The following N4BP1 variants were observed in gnomAD, a reference collection of about 807,000 sequenced individuals.
N4BP1 encodes NEDD4 binding protein 1.
N4BP1 carries 21 observed loss-of-function variants against 70.9 expected under a neutral mutation model. That is an observed-to-expected ratio of 0.30 (90% confidence interval 0.21 to 0.43). N4BP1 has a LOEUF of 0.43. N4BP1 is among the 20% of genes least tolerant of loss of function. N4BP1 has a pLI of 1.00. For synonymous variants in N4BP1, 387 were observed against 394.6 expected, an observed-to-expected ratio of 0.98 and a Z score of 0.23; for missense variants, 936 against 1,069.4, an observed-to-expected ratio of 0.88 and a Z score of 1.74.
chr16:48,595,456 CAAAAAAAAAAA>C (rs373163833), intron 1 of N4BP1, among the ~76,000 whole-genome samples: 2 of 57,454 alleles, frequency 3.5e-5, no homozygotes, highest in Non-Finnish European at 3.3e-5. Flanking sequence ...GACTCTGTCT[CAAAAAAAAAAA>C]AAAAAAAAAA....
chr16:48,577,315 GTTTTT>G (rs144319249), intron 1 of N4BP1, among the ~76,000 whole-genome samples: 1 of 151,158 alleles, frequency 6.6e-6, no homozygotes, highest in Non-Finnish European at 1.5e-5. Context: ...CCCAGTTTTT[GTTTTT>G]TTTGTGTTTT....
chr16:48,545,510 G>A (rs988751688), intron 6 of N4BP1, among the ~76,000 whole-genome samples: 11 of 149,388 alleles, frequency 7.4e-5, no homozygotes, highest in Non-Finnish European at 1.3e-4. Context: ...CCTGGGAGGC[G>A]GAGGTTGCAG....
chr16:48,562,918 A>G (rs986752470), intron 1 of N4BP1, among the ~76,000 whole-genome samples: 1 of 152,186 alleles, frequency 6.6e-6, no homozygotes, highest in African/African-American at 2.4e-5. Flanking sequence ...ATAAAAGAAT[A>G]ACATTAATTT....
chr16:48,600,235 A>G, intron 1 of N4BP1: 1 of 832,214 alleles, frequency 1.2e-6, no homozygotes, highest in East Asian at 2.5e-5. Context: ...ATCCGCAACG[A>G]CTGAAAGGTG....
chr16:48,564,024 T>C (rs757504531), intron 1 of N4BP1, among the ~76,000 whole-genome samples: 25 of 152,232 alleles, frequency 1.6e-4, no homozygotes, highest in Non-Finnish European at 2.9e-4. Flanking sequence ...ATTTTGTATC[T>C]ATTAACAAAT....
chr16:48,572,105 G>T (rs1964027691), intron 1 of N4BP1, among the ~76,000 whole-genome samples: 2 of 152,234 alleles, frequency 1.3e-5, no homozygotes, highest in South Asian at 4.1e-4. Flanking sequence ...AGACTGAGGT[G>T]AGTGGGTCAC....
chr16:48,604,729 T>C (rs1466639497), intron 1 of N4BP1, among the ~76,000 whole-genome samples: 3 of 152,208 alleles, frequency 2.0e-5, no homozygotes, highest in Non-Finnish European at 2.9e-5. Context: ...ATTTTATTCA[T>C]ATAATTCGAT....
At chr16:48,544,528 C>T (rs2151084323) in intron 6 of N4BP1, among the ~76,000 whole-genome samples, 1 of 152,272 alleles carries the variant, frequency 6.6e-6, no homozygotes, top group South Asian at 2.1e-4. Context: ...AAAGAGTAAA[C>T]ATCAGTCATG....
At chr16:48,604,181 C>T (rs900703390) in intron 1 of N4BP1, among the ~76,000 whole-genome samples, 5 of 152,188 alleles carry the variant, frequency 3.3e-5, no homozygotes, top group Non-Finnish European at 5.9e-5. Context: ...GGAGCTCTTG[C>T]GCTCCCTCTG....
Position 48,551,502 on chromosome 16 carries a change from A to C in N4BP1, c.2021-20T>G. ...GCTGTTCTGTTCATGGAATAAGTTG[A>C]ATATACATTCAGAAAAGGGCTATCT... On this transcript the variant is annotated intron_variant, in intron 3 of 6. Coordinates refer to ENST00000262384, the MANE Select transcript of N4BP1 (RefSeq NM_153029.4). 6.5e-7 allele frequency: 1 copy of C among 1,549,296 alleles called. No individual in the cohort carries two copies. The highest frequency in any genetic ancestry group is 1.4e-5 in the African/African-American group (1 of 73,336).
intron 1 of N4BP1, among the ~76,000 whole-genome samples, chr16:48,591,745 G>C (rs1173518527): frequency 6.8e-6 from 1 of 147,176 alleles, no homozygotes; most frequent in Admixed American, 6.8e-5. Context: ...GCCCACATGA[G>C]AGAACTTAAG....
intron 1 of N4BP1, among the ~76,000 whole-genome samples, chr16:48,570,354 T>C (rs1963998610): frequency 1.3e-5 from 2 of 152,186 alleles, no homozygotes; most frequent in Admixed American, 1.3e-4. Flanking sequence ...TACTTTTTCT[T>C]TTCTTTTTTG....
At chr16:48,573,935 C>T (rs1279966849) in intron 1 of N4BP1, among the ~76,000 whole-genome samples, 1 of 152,132 alleles carries the variant, frequency 6.6e-6, no homozygotes, top group East Asian at 1.9e-4. Context: ...TCATCCTTAC[C>T]TTCACTTTGA....
rs752687078 is a variant in N4BP1 at position 48,546,183 on chromosome 16, C to T, written c.2297G>A (p.Arg766Gln). 5.8e-5 allele frequency: 93 copies of T among 1,612,988 alleles called. No homozygotes were observed. Among genetic ancestry groups the T allele is most frequent in the Non-Finnish European group, 7.4e-5 (87 of 1,179,430 alleles). The change falls in exon 6 of 7, where the codon CGA (arginine) becomes CAA (glutamine). Residue 766 changes from arginine (R) to glutamine (Q), a missense_variant. Coordinates refer to ENST00000262384, the MANE Select transcript of N4BP1 (RefSeq NM_153029.4). Reference sequence around the variant, plus strand: ...TTCCTTCTGAAGAAACTCCTCTAATCGAGGTCCACTTCTTCCCAGAGGATC... The same window carrying T: ...TTCCTTCTGAAGAAACTCCTCTAATTGAGGTCCACTTCTTCCCAGAGGATC... ...PDDPLGRSGP[R>Q]LEEFLQKEVC...
chr16:48,558,716 G>GT (rs1242006225), intron 2 of N4BP1, among the ~76,000 whole-genome samples: 1 of 152,024 alleles, frequency 6.6e-6, no homozygotes, highest in Non-Finnish European at 1.5e-5. Context: ...TCAAGAAATC[G>GT]TAACAATGAA....
intron 6 of N4BP1, among the ~76,000 whole-genome samples, chr16:48,545,206 CTACCTGCCTCG>C (rs1230968665): frequency 6.6e-6 from 1 of 151,764 alleles, no homozygotes; most frequent in Non-Finnish European, 1.5e-5. Context: ...CTCAAGTTAT[CTACCTGCCTCG>C]GCCTCACAAA....
At chr16:48,576,854 A>G (rs1355674272) in intron 1 of N4BP1, among the ~76,000 whole-genome samples, 1 of 152,136 alleles carries the variant, frequency 6.6e-6, no homozygotes, top group Non-Finnish European at 1.5e-5. Context: ...GCTTCCTTCA[A>G]ATCCACTGCT....
At chr16:48,569,350 G>T (rs1963984547) in intron 1 of N4BP1, among the ~76,000 whole-genome samples, 1 of 152,260 alleles carries the variant, frequency 6.6e-6, no homozygotes, top group Admixed American at 6.5e-5. Context: ...TCTGAGCTGT[G>T]GTTCCAATAT....
intron 1 of N4BP1, among the ~76,000 whole-genome samples, chr16:48,600,971 A>G (rs1418390416): frequency 6.6e-6 from 1 of 152,252 alleles, no homozygotes; most frequent in Non-Finnish European, 1.5e-5. Flanking sequence ...AATCATGGCT[A>G]GTGATATATA....
Sources: gnomAD v4.1 joint callset for allele counts (sites outside exome capture counted in the v4.1 genomes callset) on GRCh38, gnomAD v4.1.1 for gene constraint, MANE v1.5 for transcripts, NCBI Gene and HGNC (gene_info 2026-07-23, HGNC 2026-07-21) for gene names.